LCLAT1: variants seen among roughly 807,000 people sequenced by gnomAD.
LCLAT1 encodes lysocardiolipin acyltransferase 1.
LCLAT1 carries 11 observed loss-of-function variants against 30.7 expected under a neutral mutation model. That is an observed-to-expected ratio of 0.36 (90% CI 0.23 to 0.59). LCLAT1 has a LOEUF of 0.59. Ranked by LOEUF, LCLAT1 falls within the 20% of genes least tolerant of loss-of-function variation. LCLAT1 has a pLI of 0.77. For synonymous variants in LCLAT1, 155 were observed against 151.3 expected (o/e 1.02, Z -0.18); for missense variants, 402 against 458.6 (o/e 0.88, Z 1.13).
Position 30,546,833 on chromosome 2 carries a change from A to G in LCLAT1, c.364+13519A>G, listed in dbSNP as rs1664434527. 2.0e-5 allele frequency among the ~76,000 whole-genome samples: 3 copies of G among 151,948 alleles called. 1 individual carries two copies. In the South Asian group the frequency reaches 6.2e-4, roughly 32 times the overall value. On this transcript the variant is annotated intron_variant, in intron 3 of 5. Transcript: ENST00000379509. ...TAGAACAAAGTCATGAATATTTTTG[A>G]CTCTATCCAGTTTGGTGGGTTCTTT...
At chr2:30,540,770 T>G (rs1246066934) in intron 3 of LCLAT1, among the ~76,000 whole-genome samples, 1 of 151,974 alleles carries the variant, frequency 6.6e-6, no homozygotes, top group Non-Finnish European at 1.5e-5. Context: ...GTTCAAGCGA[T>G]TCTCCTGCCT....
chr2:30,554,891 T>C (rs1033313923), intron 3 of LCLAT1, among the ~76,000 whole-genome samples: 1 of 152,116 alleles, frequency 6.6e-6, no homozygotes, highest in African/African-American at 2.4e-5. Flanking sequence ...AGTTTTAACA[T>C]CTAACAGAAC....
At chr2:30,635,402 G>T (rs1220304883) in intron 5 of LCLAT1, among the ~76,000 whole-genome samples, 1 of 152,038 alleles carries the variant, frequency 6.6e-6, no homozygotes, top group Non-Finnish European at 1.5e-5. Context: ...ACTGCTCAAG[G>T]AAATGAGTGT....
chr2:30,518,649 G>A (rs895327223), intron 1 of LCLAT1, among the ~76,000 whole-genome samples: 9 of 152,152 alleles, frequency 5.9e-5, no homozygotes, highest in South Asian at 2.1e-4. Flanking sequence ...CAATGAGGCC[G>A]TTGTCCCTCT....
intron 1 of LCLAT1, among the ~76,000 whole-genome samples, chr2:30,465,385 C>A (rs1240556063): frequency 6.6e-6 from 1 of 152,066 alleles, no homozygotes; most frequent in East Asian, 1.9e-4. Context: ...GGGAGTGTGA[C>A]CTTGCTTTTG....
At chr2:30,476,282 G>T in intron 1 of LCLAT1, 1 of 411,298 alleles carries the variant, frequency 2.4e-6, no homozygotes, top group Non-Finnish European at 4.9e-6. Flanking sequence ...ACCCAGAGAG[G>T]TTAAATAATT....
rs753178170 is a variant in LCLAT1 at position 30,640,589 on chromosome 2, G to C, written c.1101G>C (p.Gln367His). The change falls in exon 6 of 6, where the codon CAG becomes CAC. Residue 367 changes from glutamine (Q) to histidine (H), a missense_variant. Gln to His is a conservative substitution (Grantham distance 24). Coordinates refer to ENST00000379509, the MANE Select transcript of LCLAT1 (RefSeq NM_001002257.3). ...ELACYRLLHK[Q>H]PHLNSKKNE ...CATGTTACCGACTTTTACACAAACA[G>C]CCACATTTAAATTCAAAGAAAAATG... 3.7e-6 allele frequency: 6 copies of C among 1,608,490 alleles called. No individual in the cohort carries two copies. The South Asian group carries it at 4.5e-5, about 12-fold the overall frequency.
chr2:30,475,217 T>A (rs1682988964), intron 1 of LCLAT1, among the ~76,000 whole-genome samples: 1 of 152,156 alleles, frequency 6.6e-6, no homozygotes, highest in African/African-American at 2.4e-5. Flanking sequence ...CAGGCTGGTC[T>A]AGAACTCCTG....
intron 5 of LCLAT1, among the ~76,000 whole-genome samples, chr2:30,573,507 C>T (rs1665872892): frequency 6.6e-6 from 1 of 152,142 alleles, no homozygotes; most frequent in African/African-American, 2.4e-5. Context: ...TATGACCTAC[C>T]TCTCTGGCTG....
intron 1 of LCLAT1, among the ~76,000 whole-genome samples, chr2:30,518,501 A>G (rs1685304397): frequency 1.3e-5 from 2 of 152,322 alleles, no homozygotes; most frequent in Admixed American, 1.3e-4. Flanking sequence ...ATTCTAAGTT[A>G]ATTTAGACTA....
intron 5 of LCLAT1, among the ~76,000 whole-genome samples, chr2:30,629,939 C>CT (rs143490510): frequency 0.016 from 2,384 of 148,650 alleles, 54 homozygotes; most frequent in African/African-American, 0.056. Context: ...ATTTCTAGAT[C>CT]TTTTTTTTTT....
chr2:30,498,678 T>A (rs947866344), intron 1 of LCLAT1, among the ~76,000 whole-genome samples: 1 of 152,234 alleles, frequency 6.6e-6, no homozygotes, highest in African/African-American at 2.4e-5. Context: ...TTTGAATGTT[T>A]CTGAGCTCAC....
chr2:30,496,003 A>G (rs1180998193), intron 1 of LCLAT1, among the ~76,000 whole-genome samples: 1 of 152,170 alleles, frequency 6.6e-6, no homozygotes, highest in Non-Finnish European at 1.5e-5. Context: ...ATGGTGCCAC[A>G]GGCTGTACAG....
intron 1 of LCLAT1, among the ~76,000 whole-genome samples, chr2:30,450,259 G>A (rs1681477520): frequency 1.3e-5 from 2 of 152,210 alleles, no homozygotes; most frequent in South Asian, 4.1e-4. Context: ...AAGAGGAAGG[G>A]AGCTAACTGG....
At chr2:30,591,609 A>G (rs1666695498) in intron 5 of LCLAT1, among the ~76,000 whole-genome samples, 1 of 152,214 alleles carries the variant, frequency 6.6e-6, no homozygotes, top group Non-Finnish European at 1.5e-5. Flanking sequence ...TACTGATAGA[A>G]TAATCATTCC....
chr2:30,512,428 G>T (rs994761827), intron 1 of LCLAT1, among the ~76,000 whole-genome samples: 2 of 152,056 alleles, frequency 1.3e-5, no homozygotes, highest in African/African-American at 4.8e-5. Flanking sequence ...AGACCCAGGG[G>T]GCACACTTTT....
At chr2:30,613,539 A>G (rs1667842199) in intron 5 of LCLAT1, among the ~76,000 whole-genome samples, 1 of 150,488 alleles carries the variant, frequency 6.6e-6, no homozygotes, top group African/African-American at 2.5e-5. Flanking sequence ...GATTTGGAAA[A>G]GAAAAAGACA....
intron 4 of LCLAT1, among the ~76,000 whole-genome samples, chr2:30,566,175 T>C (rs1310007501): frequency 6.6e-6 from 1 of 152,188 alleles, no homozygotes; most frequent in Non-Finnish European, 1.5e-5. Context: ...GTATTTCTGA[T>C]CATTTTTACC....
chr2:30,615,695 T>C (rs963809582), intron 5 of LCLAT1, among the ~76,000 whole-genome samples: 4 of 152,144 alleles, frequency 2.6e-5, no homozygotes, highest in African/African-American at 7.2e-5. Flanking sequence ...ATAAGACTTA[T>C]GTAAATGTGT....
Sources: allele counts gnomAD v4.1 joint callset (sites outside exome capture counted in the v4.1 genomes callset), GRCh38; gene constraint gnomAD v4.1.1; transcripts MANE v1.5; gene names NCBI Gene and HGNC (gene_info 2026-07-23, HGNC 2026-07-21).